Variants in LCLAT1 observed in about 807,000 individuals in gnomAD.
The protein encoded by LCLAT1 is lysocardiolipin acyltransferase 1.
Under a neutral mutation model 30.7 loss-of-function variants are expected in LCLAT1, and 11 were observed. The observed-to-expected ratio is 0.36, with a 90% confidence interval of 0.23 to 0.59. The LOEUF is 0.59. Ranked by LOEUF, LCLAT1 falls within the 20% of genes least tolerant of loss-of-function variation. LCLAT1 has a pLI of 0.77. For synonymous variants in LCLAT1, 155 were observed against 151.3 expected, an observed-to-expected ratio of 1.02 and a Z score of -0.18; for missense variants, 402 against 458.6, an observed-to-expected ratio of 0.88 and a Z score of 1.13.
chr2:30,471,408 C>G (rs987166023), intron 1 of LCLAT1, among the ~76,000 whole-genome samples: 1 of 152,086 alleles, frequency 6.6e-6, no homozygotes, highest in Non-Finnish European at 1.5e-5. Flanking sequence ...CAGGGTTTCG[C>G]CATGTTGCCC....
chr2:30,573,250 T>C (rs1665860852), intron 5 of LCLAT1, among the ~76,000 whole-genome samples: 1 of 152,176 alleles, frequency 6.6e-6, no homozygotes, highest in Non-Finnish European at 1.5e-5. Context: ...ATTAATTATT[T>C]TCATTCGCAG....
At chr2:30,460,249 A>G (rs1004957056) in intron 1 of LCLAT1, among the ~76,000 whole-genome samples, 2 of 152,146 alleles carry the variant, frequency 1.3e-5, no homozygotes, top group Non-Finnish European at 2.9e-5. Context: ...CATGATCTCC[A>G]TCTGCCCAGT....
chr2:30,530,451 G>T (rs1685928400), intron 2 of LCLAT1, among the ~76,000 whole-genome samples: 2 of 152,168 alleles, frequency 1.3e-5, no homozygotes, highest in African/African-American at 4.8e-5. Context: ...CTGCCCAAAG[G>T]TTATTTATAA....
intron 5 of LCLAT1, among the ~76,000 whole-genome samples, chr2:30,599,132 C>T (rs1008833707): frequency 6.6e-6 from 1 of 152,084 alleles, no homozygotes; most frequent in African/African-American, 2.4e-5. Context: ...CAGACATGCA[C>T]CAGCATGCCA....
chr2:30,551,337 C>G (rs1558513551), intron 3 of LCLAT1, among the ~76,000 whole-genome samples: 1 of 152,174 alleles, frequency 6.6e-6, no homozygotes, highest in Non-Finnish European at 1.5e-5. Flanking sequence ...CTCTTATGTC[C>G]TTTTGACATA....
intron 1 of LCLAT1, among the ~76,000 whole-genome samples, chr2:30,471,667 A>G (rs999336924): frequency 2.0e-5 from 3 of 151,900 alleles, no homozygotes; most frequent in African/African-American, 7.3e-5. Flanking sequence ...GGAATTACTA[A>G]TTTTCCTTTC....
rs1665727394 is a variant in LCLAT1 at position 30,570,357 on chromosome 2, TATA to T, written c.628+2189_628+2191del. ...GAAACATAAAATGGGACTTGTATACTATAATAATAAAAATAAAAAATATGATGA... is the reference window on the plus strand; with the variant it reads ...GAAACATAAAATGGGACTTGTATACTATAATAAAAATAAAAAATATGATGA... On this transcript the variant is annotated intron_variant, in intron 5 of 5. Transcript: ENST00000379509. Among the ~76,000 whole-genome samples, 4 of 152,190 alleles carry T rather than the reference TATA, an allele frequency of 2.6e-5. 1 individual carries two copies. Among genetic ancestry groups the T allele is most frequent in the Admixed American group, 2.6e-4 (4 of 15,278 alleles).
At chr2:30,568,505 C>CTTTT (rs35285466) in intron 5 of LCLAT1, among the ~76,000 whole-genome samples, 127 of 85,300 alleles carry the variant, frequency 1.5e-3, no homozygotes, top group Non-Finnish European at 2.2e-3. Context: ...GTCTTTCTTT[C>CTTTT]TTTTTTTTTT....
At chr2:30,602,107 C>A (rs948154417) in intron 5 of LCLAT1, among the ~76,000 whole-genome samples, 2 of 151,994 alleles carry the variant, frequency 1.3e-5, no homozygotes, top group Non-Finnish European at 2.9e-5. Context: ...TTTCAGGTGG[C>A]AGGCAATAGT....
At chr2:30,448,297 G>A (rs943726074) in intron 1 of LCLAT1, among the ~76,000 whole-genome samples, 1 of 152,226 alleles carries the variant, frequency 6.6e-6, no homozygotes, top group African/African-American at 2.4e-5. Context: ...ATCTCATGAA[G>A]TATAACTACG....
In LCLAT1 at chr2:30,450,816, G is replaced by A. The variant is rs140147739; in HGVS notation, c.-5+3433G>A. 3.4e-3 allele frequency among the ~76,000 whole-genome samples: 514 copies of A among 152,300 alleles called. 3 individuals carry two copies. The highest frequency in any genetic ancestry group is 0.012 in the African/African-American group (500 of 41,568). On this transcript the variant is annotated intron_variant, in intron 1 of 5. Coordinates refer to ENST00000379509, the MANE Select transcript of LCLAT1 (RefSeq NM_001002257.3). ...GGAATAGGCAGAGATTCTTAAAAAG[G>A]ACTCAGAAAGCAATGATCATGAAAA...
intron 1 of LCLAT1, among the ~76,000 whole-genome samples, chr2:30,478,668 T>C (rs1012318400): frequency 1.4e-5 from 2 of 142,376 alleles, no homozygotes; most frequent in East Asian, 2.1e-4. Flanking sequence ...AACCTGTCAA[T>C]AAATAAATAA....
chr2:30,469,290 T>C (rs1682641752), intron 1 of LCLAT1, among the ~76,000 whole-genome samples: 1 of 152,114 alleles, frequency 6.6e-6, no homozygotes, highest in Non-Finnish European at 1.5e-5. Flanking sequence ...ATGTTTCTGG[T>C]GTCACATGTA....
At chr2:30,594,546 A>G (rs550259514) in intron 5 of LCLAT1, among the ~76,000 whole-genome samples, 2 of 152,266 alleles carry the variant, frequency 1.3e-5, no homozygotes, top group East Asian at 1.9e-4. Flanking sequence ...CTGCGTGACT[A>G]AGATTCCTTT....
At chr2:30,572,361 T>C (rs1665816317) in intron 5 of LCLAT1, among the ~76,000 whole-genome samples, 1 of 152,220 alleles carries the variant, frequency 6.6e-6, no homozygotes, top group African/African-American at 2.4e-5. Flanking sequence ...GTTGTGCACG[T>C]TTCTTTACCT....
At chr2:30,536,686 A>G (rs1416905316) in intron 3 of LCLAT1, among the ~76,000 whole-genome samples, 3 of 152,374 alleles carry the variant, frequency 2.0e-5, no homozygotes, top group Admixed American at 6.5e-5. Flanking sequence ...AAACATGCAG[A>G]TAAAACATAC....
chr2:30,507,223 TA>T (rs35920491), intron 1 of LCLAT1, among the ~76,000 whole-genome samples: 34,217 of 152,044 alleles, frequency 0.23, 4,752 homozygotes, highest in East Asian at 0.52. Flanking sequence ...ATATTTGTTT[TA>T]ACTGACTCCC....
chr2:30,477,101 G>A (rs906797333), intron 1 of LCLAT1, among the ~76,000 whole-genome samples: 9 of 152,002 alleles, frequency 5.9e-5, no homozygotes, highest in African/African-American at 2.2e-4. Flanking sequence ...GTGAATCAAC[G>A]CTTGTTCCTG....
chr2:30,497,380 A>C (rs1441240823), intron 1 of LCLAT1, among the ~76,000 whole-genome samples: 1 of 152,196 alleles, frequency 6.6e-6, no homozygotes, highest in East Asian at 1.9e-4. Context: ...CTTTTTTATC[A>C]GGATTCTAGG....
Sources: gnomAD v4.1 joint callset for allele counts (sites outside exome capture counted in the v4.1 genomes callset) on GRCh38, gnomAD v4.1.1 for gene constraint, MANE v1.5 for transcripts, NCBI Gene and HGNC (gene_info 2026-07-23, HGNC 2026-07-21) for gene names.